Variants in CTNND1 observed in about 807,000 individuals in gnomAD.
CTNND1 encodes the protein catenin delta-1.
A neutral mutation model predicts 112.1 loss-of-function variants in CTNND1; 16 were observed. The ratio of observed to expected loss-of-function variants is 0.14; its 90% CI spans 0.10 to 0.22. The LOEUF is 0.22. Ranked by LOEUF, CTNND1 falls within the 10% of genes least tolerant of loss-of-function variation. The probability of loss-of-function intolerance (pLI) is 1.00; values close to 1 mark genes in which losing one functional copy is unlikely to be tolerated. For synonymous variants in CTNND1, 420 were observed against 446.5 expected (o/e 0.94, Z 0.75); for missense variants, 1,008 against 1,257.0 (o/e 0.80, Z 3.00).
intron 1 of CTNND1, among the ~76,000 whole-genome samples, chr11:57,768,335 T>G (rs1368611318): frequency 6.6e-6 from 1 of 151,248 alleles, no homozygotes; most frequent in Non-Finnish European, 1.5e-5. Context: ...AAGTGAAGTG[T>G]CAGTGGGAGG....
At chr11:57,780,316 A>G (rs1297552205) in intron 1 of CTNND1, among the ~76,000 whole-genome samples, 1 of 151,954 alleles carries the variant, frequency 6.6e-6, no homozygotes, top group Non-Finnish European at 1.5e-5. Context: ...CAGCCTCCCA[A>G]AGTGCTGGGA....
In CTNND1 at chr11:57,818,137, C is replaced by T. The variant is rs1408047427; in HGVS notation, c.*1829C>T. ...AGCACACTGCACAGGGAAAATTGCCCCATCCAGACCTGGCTCCACTCTTGA... is the reference window on the plus strand; with the variant it reads ...AGCACACTGCACAGGGAAAATTGCCTCATCCAGACCTGGCTCCACTCTTGA... On this transcript the variant is annotated 3_prime_UTR_variant, in exon 21 of 21. Transcript: ENST00000399050. 2 of 152,298 alleles carry T rather than the reference C, an allele frequency of 1.3e-5. No homozygotes were observed. The highest frequency in any genetic ancestry group is 2.9e-5 in the Non-Finnish European group (2 of 68,030). The allele number at this position is 152,298 out of a possible 1,614,324, so 9.4% of individuals were successfully genotyped here.
At chr11:57,815,567 G>A in intron 19 of CTNND1, 67 bp downstream of exon 19, 2 of 1,301,522 alleles carry the variant, frequency 1.5e-6, no homozygotes, top group Non-Finnish European at 2.2e-6. Flanking sequence ...TGTGTTTTGT[G>A]AAACACAAAA....
Position 57,801,747 on chromosome 11 carries a change from T to C in CTNND1, c.971T>C (p.Met324Thr). 3 of 1,612,442 alleles carry C rather than the reference T, an allele frequency of 1.9e-6. No homozygotes were observed. Among genetic ancestry groups the C allele is most frequent in the Non-Finnish European group, 2.5e-6 (3 of 1,178,744 alleles). The stretch of plus-strand genomic sequence containing the variant: ...AAACTTCTCAGGAGCTATGAAGACA[T>C]GATTGGTGAGGAGGTGCCATCGGAT... ...PRRRLRSYED[M>T]IGEEVPSDQY... The change falls in exon 7 of 21, where the codon ATG becomes ACG. Residue 324 changes from methionine to threonine, a missense_variant. Met to Thr is a moderately conservative substitution (Grantham distance 81). This residue lies in a region of CTNND1 where 404 missense variants were observed against 457.9 expected (regional missense o/e 0.88). Coordinates refer to ENST00000399050, the MANE Select transcript of CTNND1 (RefSeq NM_001085458.2).
chr11:57,767,761 T>C (rs1016640018), intron 1 of CTNND1, among the ~76,000 whole-genome samples: 2 of 152,136 alleles, frequency 1.3e-5, no homozygotes, highest in African/African-American at 4.8e-5. Context: ...CTCCTAGTAA[T>C]GTCTTGTGTT....
intron 10 of CTNND1, 28 bp from the exon 11 acceptor site, chr11:57,806,433 C>CTT: frequency 1.9e-6 from 3 of 1,591,604 alleles, no homozygotes; most frequent in Non-Finnish European, 2.6e-6. Flanking sequence ...CTCTTCTCTG[C>CTT]TTTCTACCTT....
In CTNND1 at chr11:57,801,851, C is replaced by T; in HGVS notation, c.1075C>T (p.Pro359Ser). 6.2e-7 allele frequency: 1 copy of T among 1,614,062 alleles called. No homozygotes were observed. The highest frequency in any genetic ancestry group is 8.5e-7 in the Non-Finnish European group (1 of 1,179,904). ...SLDSLRKGGPPPPNWRQPELP... is the reference protein window; with the variant it reads ...SLDSLRKGGPSPPNWRQPELP... ...GGATAGCCTGCGCAAAGGAGGGCCTCCACCTCCTAATTGGAGACAGCCAGA... is the reference window on the plus strand; with the variant it reads ...GGATAGCCTGCGCAAAGGAGGGCCTTCACCTCCTAATTGGAGACAGCCAGA... The change falls in exon 7 of 21, where the codon CCA becomes TCA. Residue 359 changes from proline to serine, a missense_variant. By Grantham distance (74) the Pro-to-Ser change is moderately conservative. This residue lies in a region of CTNND1 where 216 missense variants were observed against 342.8 expected (regional missense o/e 0.63). Coordinates refer to ENST00000399050, the MANE Select transcript of CTNND1 (RefSeq NM_001085458.2).
chr11:57,802,661 C>T (rs1322598176), intron 7 of CTNND1, among the ~76,000 whole-genome samples: 3 of 152,188 alleles, frequency 2.0e-5, no homozygotes, highest in African/African-American at 4.8e-5. Context: ...CTTGACTCAC[C>T]GGCTTGACCC....
At chr11:57,784,538 C>G (rs1193492971) in intron 1 of CTNND1, among the ~76,000 whole-genome samples, 1 of 152,038 alleles carries the variant, frequency 6.6e-6, no homozygotes, top group Non-Finnish European at 1.5e-5. Flanking sequence ...GAGTCTTACT[C>G]TGTCATCCAG....
intron 1 of CTNND1, among the ~76,000 whole-genome samples, chr11:57,767,147 A>G (rs917859657): frequency 6.6e-6 from 1 of 151,854 alleles, no homozygotes; most frequent in South Asian, 2.1e-4. Context: ...AATTTTTTGT[A>G]TATTTAGTAG....
At chr11:57,792,354 C>T (rs564611401) in intron 3 of CTNND1, among the ~76,000 whole-genome samples, 15 of 152,284 alleles carry the variant, frequency 9.9e-5, no homozygotes, top group Admixed American at 3.9e-4. Flanking sequence ...TGTGTTTCCT[C>T]TGGTTTTTCT....
At chr11:57,792,252 T>G (rs1033830567) in intron 3 of CTNND1, among the ~76,000 whole-genome samples, 4 of 152,264 alleles carry the variant, frequency 2.6e-5, no homozygotes, top group African/African-American at 9.6e-5. Context: ...TGCTGCTGTT[T>G]AACCCAAATA....
Position 57,815,429 on chromosome 11 carries a change from C to G in CTNND1, c.2737C>G (p.His913Asp), listed in dbSNP as rs1409231782. The change falls in exon 19 of 21, where the codon CAC (histidine) becomes GAC (aspartate). Residue 913 changes from histidine to aspartate, a missense_variant. Coordinates refer to ENST00000399050, the MANE Select transcript of CTNND1 (RefSeq NM_001085458.2). Reference sequence around the variant, plus strand: ...TTCCACACCAAATGAGAGAGGAGACCACAATAGAACACTGGATCGATCGGG... The same window carrying G: ...TTCCACACCAAATGAGAGAGGAGACGACAATAGAACACTGGATCGATCGGG... Reference protein sequence around the residue: ...NYSTPNERGDHNRTLDRSGDL... With the variant: ...NYSTPNERGDDNRTLDRSGDL... 1 of 1,609,928 alleles carries G rather than the reference C, an allele frequency of 6.2e-7. No homozygotes were observed. Among genetic ancestry groups the G allele is most frequent in the Non-Finnish European group, 8.5e-7 (1 of 1,178,560 alleles).
At chr11:57,764,356 G>A (rs1051853200) in intron 1 of CTNND1, among the ~76,000 whole-genome samples, 3 of 152,066 alleles carry the variant, frequency 2.0e-5, no homozygotes, top group Admixed American at 2.0e-4. Context: ...GAGACTATTG[G>A]TGATATTAAC....
chr11:57,797,715 G>T (rs1160509099), intron 6 of CTNND1, among the ~76,000 whole-genome samples: 1 of 150,864 alleles, frequency 6.6e-6, no homozygotes, highest in Admixed American at 6.6e-5. Context: ...AGTGGTGCAT[G>T]CCTGTAATCT....
rs768818944 is a variant in CTNND1 at position 57,801,970 on chromosome 11, C to T, written c.1194C>T (p.Asp398=). 3.7e-6 allele frequency: 6 copies of T among 1,613,916 alleles called. No homozygotes were observed. In the South Asian group the frequency reaches 5.5e-5, roughly 15 times the overall value. The part of the protein sequence containing the change: ...AYLQHLCYRN[D]KVKTDVRKLK... ...TGCAACACTTATGCTACCGCAATGA[C>T]AAGGTGAAGACTGACGTGCGGAAGC... Residue 398 remains aspartate (D), a synonymous_variant, in exon 7 of 21, where the codon GAC becomes GAT. Transcript: ENST00000399050.
intron 8 of CTNND1, 142 bp downstream of exon 8, chr11:57,803,946 TTCTA>T (rs2062332316): frequency 1.4e-5 from 8 of 590,420 alleles, no homozygotes; most frequent in Admixed American, 3.5e-5. Flanking sequence ...ACTCCAACCT[TTCTA>T]TCTTTGTTGC....
At position 57,818,922 on chromosome 11, in the gene CTNND1, C is replaced by A. The variant is rs1354201253; in HGVS notation, c.*2614C>A. On this transcript the variant is annotated 3_prime_UTR_variant, in exon 21 of 21. Transcript: ENST00000399050. ...TGTATATAAGTACTGACCACTGGGC[C>A]ATAATGTTGCTTCTCAGGCTATATG... The A allele has an allele frequency of 6.6e-6, 1 of 152,116 alleles. No individual in the cohort carries two copies. The allele number at this position is 152,116 out of a possible 1,614,324, so 9.4% of individuals were successfully genotyped here.
chr11:57,764,485 A>T (rs1950613850), intron 1 of CTNND1, among the ~76,000 whole-genome samples: 4 of 152,352 alleles, frequency 2.6e-5, no homozygotes, highest in Admixed American at 2.0e-4. Context: ...TATCAATTGG[A>T]ATAACAAAAT....
Sources: allele counts gnomAD v4.1 joint callset (sites outside exome capture counted in the v4.1 genomes callset), GRCh38; gene constraint gnomAD v4.1.1; regional missense constraint gnomAD v4.1.1; transcripts MANE v1.5; gene names NCBI Gene and HGNC (gene_info 2026-07-23, HGNC 2026-07-21).